The following TMEM26 variants were observed in gnomAD, a reference collection of about 807,000 sequenced individuals.
TMEM26 encodes transmembrane protein 26.
In TMEM26, 38 loss-of-function variants were observed where a neutral mutation model predicts 28.8. The ratio of observed to expected loss-of-function variants is 1.32; its 90% CI spans 1.02 to 1.73. The LOEUF is 1.73. Among genes scored for constraint, TMEM26 ranks in the 40% most tolerant of loss-of-function variants. TMEM26 has a pLI of 0.00. For missense variants in TMEM26, 518 were observed against 447.1 expected (o/e 1.16, Z -1.43); for synonymous variants, 227 against 182.9 (o/e 1.24, Z -1.95).
intron 1 of TMEM26, among the ~76,000 whole-genome samples, chr10:61,442,282 G>A (rs1385532280): frequency 6.6e-6 from 1 of 151,918 alleles, no homozygotes; most frequent in East Asian, 1.9e-4. Context: ...CTCACCATTA[G>A]TCTAGAATTA....
chr10:61,430,572 A>C (rs992079813), intron 3 of TMEM26, among the ~76,000 whole-genome samples: 1 of 109,326 alleles, frequency 9.1e-6, no homozygotes, highest in South Asian at 2.4e-4. Flanking sequence ...AAGAACTGAC[A>C]AAAAAAAAAA....
chr10:61,424,531 GT>G (rs1222296262), intron 4 of TMEM26, among the ~76,000 whole-genome samples: 9 of 152,028 alleles, frequency 5.9e-5, no homozygotes, highest in Admixed American at 5.9e-4. Context: ...AGCATAGTAA[GT>G]TATTTTTTTA....
At position 61,410,522 on chromosome 10, in the gene TMEM26, G is replaced by A. The variant is rs180963588; in HGVS notation, c.907C>T (p.Arg303Cys). 6.8e-6 allele frequency: 11 copies of A among 1,614,040 alleles called. No individual in the cohort carries two copies. The Admixed American group carries it at 1.2e-4, about 17-fold the overall frequency. The change falls in exon 6 of 6, where the codon CGC becomes TGC. Residue 303 changes from arginine (R) to cysteine (C), a missense_variant. Transcript: ENST00000399298. Reference sequence around the variant, plus strand: ...ACTGCCAATGCCAGCACCACCAAGCGGTAGAGTTGCAACACCACCACGAGG... The same window carrying A: ...ACTGCCAATGCCAGCACCACCAAGCAGTAGAGTTGCAACACCACCACGAGG... The part of the protein sequence containing the change: ...NFLVVVLQLY[R>C]LVVLALAVRA...
chr10:61,427,044 G>C (rs1165937524), intron 4 of TMEM26, among the ~76,000 whole-genome samples: 3 of 151,966 alleles, frequency 2.0e-5, no homozygotes, highest in Admixed American at 6.6e-5. Flanking sequence ...GAAGGCTACT[G>C]TCACAATGTG....
At chr10:61,417,184 T>A (rs552340702) in intron 4 of TMEM26, among the ~76,000 whole-genome samples, 5 of 152,166 alleles carry the variant, frequency 3.3e-5, no homozygotes, top group African/African-American at 1.2e-4. Flanking sequence ...GTGTGTAATC[T>A]GCCTTCACAA....
At position 61,408,731 on chromosome 10, in the gene TMEM26, T is replaced by C. The variant is rs1839526172; in HGVS notation, c.*1591A>G. ...TATGGAAAATCATAAATGTATTCCATTAGTTCCATGTGTCATTTTATAGTC... is the reference window on the plus strand; with the variant it reads ...TATGGAAAATCATAAATGTATTCCACTAGTTCCATGTGTCATTTTATAGTC... On this transcript the variant is annotated 3_prime_UTR_variant, in exon 6 of 6. Transcript: ENST00000399298. The C allele has an allele frequency of 6.6e-6, 1 of 152,196 alleles. No individual in the cohort carries two copies. Among genetic ancestry groups the C allele is most frequent in the Admixed American group, 6.5e-5 (1 of 15,274 alleles). 9.4% of individuals were successfully genotyped at this position (152,196 alleles called of 1,614,324 possible). A position where few individuals can be genotyped will look rare whatever the true frequency, so the allele number is the denominator to read the frequency against.
rs1383460692 is a variant in TMEM26 at position 61,431,310 on chromosome 10, C to T, written c.293G>A (p.Gly98Glu). Reference sequence around the variant, plus strand: ...TTTTCTGCTGGTATTCTGTGATGTTCCTTCAGCCTGGATACTGCAATACTA... The same window carrying T: ...TTTTCTGCTGGTATTCTGTGATGTTTCTTCAGCCTGGATACTGCAATACTA... ...ETQYCSIQAE[G>E]TSQNTSRKED... The change falls in exon 3 of 6, where the codon GGA becomes GAA. Residue 98 changes from glycine to glutamate, a missense_variant. Coordinates refer to ENST00000399298, the MANE Select transcript of TMEM26 (RefSeq NM_178505.8). The T allele has an allele frequency of 2.5e-6, 4 of 1,613,004 alleles. No homozygotes were observed. The highest frequency in any genetic ancestry group is 3.4e-6 in the Non-Finnish European group (4 of 1,179,264).
At position 61,429,102 on chromosome 10, in the gene TMEM26, A is replaced by T; in HGVS notation, c.429T>A (p.Val143=). 4 of 1,613,266 alleles carry T rather than the reference A, an allele frequency of 2.5e-6. No individual in the cohort carries two copies. The highest frequency in any genetic ancestry group is 3.4e-6 in the Non-Finnish European group (4 of 1,179,448). Residue 143 remains valine (V), a synonymous_variant, in exon 4 of 6, where the codon GTT becomes GTA. Coordinates refer to ENST00000399298, the MANE Select transcript of TMEM26 (RefSeq NM_178505.8). The part of the protein sequence containing the change: ...VNNLSTVCEK[V]WTLGLHQTFL... ...ATGTCTGATGGAGTCCCAATGTCCA[A>T]ACTTTCTCACATACTGTAGATAAGT...
chr10:61,416,126 G>A (rs1839648048), intron 4 of TMEM26: 1 of 448,632 alleles, frequency 2.2e-6, no homozygotes, highest in Non-Finnish European at 4.5e-6. Flanking sequence ...AACAGAGCCT[G>A]CAGAAAAAGT....
chr10:61,441,340 A>G (rs1840089403), intron 1 of TMEM26, among the ~76,000 whole-genome samples: 1 of 152,242 alleles, frequency 6.6e-6, no homozygotes, highest in Non-Finnish European at 1.5e-5. Flanking sequence ...GAAGATTTAC[A>G]GAAGAAAACT....
intron 4 of TMEM26, among the ~76,000 whole-genome samples, chr10:61,422,597 A>G (rs967029468): frequency 1.3e-5 from 2 of 152,174 alleles, no homozygotes; most frequent in African/African-American, 4.8e-5. Flanking sequence ...AATATTTTGA[A>G]CTGCATTAAG....
At chr10:61,441,358 T>A (rs1012501593) in intron 1 of TMEM26, among the ~76,000 whole-genome samples, 1 of 152,238 alleles carries the variant, frequency 6.6e-6, no homozygotes, top group African/African-American at 2.4e-5. Flanking sequence ...ACTAATTTTA[T>A]ATGTTCTGCT....
intron 2 of TMEM26, among the ~76,000 whole-genome samples, chr10:61,432,383 A>G (rs1839936488): frequency 6.6e-6 from 1 of 152,152 alleles, no homozygotes; most frequent in Non-Finnish European, 1.5e-5. Context: ...GAATTTCTCC[A>G]AGTGAATTGT....
In TMEM26 at chr10:61,410,456, C is replaced by T. The variant is rs773720181; in HGVS notation, c.973G>A (p.Glu325Lys). 1.1e-5 allele frequency: 17 copies of T among 1,614,144 alleles called. No individual in the cohort carries two copies. Among genetic ancestry groups the T allele is most frequent in the Non-Finnish European group, 1.4e-5 (17 of 1,180,020 alleles). Reference sequence around the variant, plus strand: ...GAGGTCTGTGCCCGGCAACCATGTTCTCCTTTCAGGCCTTCTGACTGACTT... The same window carrying T: ...GAGGTCTGTGCCCGGCAACCATGTTTTCCTTTCAGGCCTTCTGACTGACTT... Reference protein sequence around the residue: ...LRSQSEGLKGEHGCRAQTSES... With the variant: ...LRSQSEGLKGKHGCRAQTSES... The change falls in exon 6 of 6, where the codon GAA becomes AAA. Residue 325 changes from glutamate (E) to lysine (K), a missense_variant. Physicochemically the swap from Glu to Lys is moderately conservative, Grantham distance 56 (BLOSUM62 1). Transcript: ENST00000399298.
At chr10:61,423,805 T>C (rs886383392) in intron 4 of TMEM26, among the ~76,000 whole-genome samples, 4 of 152,116 alleles carry the variant, frequency 2.6e-5, no homozygotes, top group African/African-American at 9.7e-5. Context: ...GTTTAATATC[T>C]GAAAATTAAT....
chr10:61,406,984 C>T lies in TMEM26; in HGVS notation c.*3338G>A, dbSNP rs532179113. 2.0e-5 allele frequency: 3 copies of T among 151,996 alleles called. No homozygotes were observed. The highest frequency in any genetic ancestry group is 1.3e-4 in the Admixed American group (2 of 15,230). 9.4% of individuals were successfully genotyped at this position (151,996 alleles called of 1,614,324 possible). On this transcript the variant is annotated 3_prime_UTR_variant, in exon 6 of 6. Coordinates refer to ENST00000399298, the MANE Select transcript of TMEM26 (RefSeq NM_178505.8). ...TGAAATTAGAAAAAAAAAAAATCCC[C>T]TTTTTTTCTTGTAATTCAAGACTGT...
At chr10:61,415,827 G>T (rs1284260252) in intron 4 of TMEM26, among the ~76,000 whole-genome samples, 1 of 152,030 alleles carries the variant, frequency 6.6e-6, no homozygotes, top group Non-Finnish European at 1.5e-5. Context: ...GAGAACTAGA[G>T]TGCTAAAGCA....
chr10:61,444,836 T>C (rs1326090798), intron 1 of TMEM26, among the ~76,000 whole-genome samples: 1 of 151,930 alleles, frequency 6.6e-6, no homozygotes, highest in African/African-American at 2.4e-5. Flanking sequence ...GAAGAATCCT[T>C]CTCCAGACCT....
chr10:61,437,279 G>A (rs1438366796), intron 1 of TMEM26, among the ~76,000 whole-genome samples: 1 of 152,088 alleles, frequency 6.6e-6, no homozygotes, highest in Admixed American at 6.5e-5. Context: ...TTTGGGGTTA[G>A]GACTTCAGTC....
Sources: gnomAD v4.1 joint callset for allele counts (sites outside exome capture counted in the v4.1 genomes callset) on GRCh38, gnomAD v4.1.1 for gene constraint, MANE v1.5 for transcripts, NCBI Gene and HGNC (gene_info 2026-07-23, HGNC 2026-07-21) for gene names.